LDLRAD4: variants seen among roughly 807,000 people sequenced by gnomAD.
LDLRAD4 encodes low density lipoprotein receptor class A domain containing 4, also known as low-density lipoprotein receptor class A domain-containing protein 4.
LDLRAD4 carries 5 observed loss-of-function variants against 17.0 expected under a neutral mutation model. The observed-to-expected ratio is 0.29, with a 90% confidence interval of 0.15 to 0.62. The LOEUF (loss-of-function observed/expected upper bound fraction) is 0.62, where lower values mean the gene tolerates loss of function less well. LDLRAD4 is among the 20% of genes least tolerant of loss of function. The probability of loss-of-function intolerance (pLI) is 0.84; values close to 1 mark genes in which losing one functional copy is unlikely to be tolerated. For missense variants in LDLRAD4, 340 were observed against 424.7 expected (o/e 0.80, Z 1.75); for synonymous variants, 168 against 171.8 (o/e 0.98, Z 0.17).
chr18:13,302,136 A>G (rs2046643204), intron 1 of LDLRAD4, among the ~76,000 whole-genome samples: 1 of 152,210 alleles, frequency 6.6e-6, no homozygotes, highest in African/African-American at 2.4e-5. Context: ...GTCTTCAGCT[A>G]TTTCTGGATG....
At position 13,398,340 on chromosome 18, in the gene LDLRAD4, C is replaced by T. The variant is rs745750341; in HGVS notation, c.40+10578C>T. On this transcript the variant is annotated intron_variant, in intron 2 of 5. Transcript: ENST00000359446. The surrounding 1 kb of genome is among the most constrained non-coding windows in gnomAD (Gnocchi z 4.8). ...ATGCTTAGGCGTGAAAGCAGCACAG[C>T]GTCACGGTGGTGATGCTTGCGTAGC... Among the ~76,000 whole-genome samples the T allele has an allele frequency of 6.6e-6, 1 of 152,050 alleles. No homozygotes were observed. The highest frequency in any genetic ancestry group is 1.5e-5 in the Non-Finnish European group (1 of 68,020).
At chr18:13,445,659 AGT>A (rs1443181087) in intron 3 of LDLRAD4, among the ~76,000 whole-genome samples, 3 of 147,404 alleles carry the variant, frequency 2.0e-5, no homozygotes, top group East Asian at 2.0e-4. Flanking sequence ...TTTGTGCATG[AGT>A]GTGTTTGCGT....
chr18:13,332,314 T>C lies in LDLRAD4; in HGVS notation c.-383+54126T>C, dbSNP rs2081903441. On this transcript the variant is annotated intron_variant, in intron 1 of 5. Transcript: ENST00000359446. ...AGCAGACACTACAAAAATTTTCTCATATACCTCTCACCTTTGCATAACCAG... is the reference window on the plus strand; with the variant it reads ...AGCAGACACTACAAAAATTTTCTCACATACCTCTCACCTTTGCATAACCAG... Among the ~76,000 whole-genome samples the C allele has an allele frequency of 2.0e-5, 3 of 152,324 alleles. No homozygotes were observed. In the South Asian group the frequency reaches 6.2e-4, roughly 32 times the overall value.
intron 3 of LDLRAD4, among the ~76,000 whole-genome samples, chr18:13,486,066 A>G (rs1227191699): frequency 6.6e-6 from 1 of 152,166 alleles, no homozygotes; most frequent in Non-Finnish European, 1.5e-5. Flanking sequence ...TGGGTTACTG[A>G]TAATTGCTCA....
chr18:13,255,613 CA>C (rs2145877669), intron 1 of LDLRAD4, among the ~76,000 whole-genome samples: 1 of 152,226 alleles, frequency 6.6e-6, no homozygotes, highest in South Asian at 2.1e-4. Flanking sequence ...TGGAGCAGAG[CA>C]GTGTCTGGGT....
Position 13,410,188 on chromosome 18 carries a change from C to T in LDLRAD4, c.40+22426C>T, listed in dbSNP as rs73956141. 8.2e-3 allele frequency among the ~76,000 whole-genome samples: 1,239 copies of T among 151,834 alleles called. 18 individuals carry two copies. Among genetic ancestry groups the T allele is most frequent in the African/African-American group, 0.027 (1,131 of 41,382 alleles). Reference sequence around the variant, plus strand: ...TTCCGACCTGACATGGCATGGGGGGCGCTAAGGAGACGGGACAAACACACC... The same window carrying T: ...TTCCGACCTGACATGGCATGGGGGGTGCTAAGGAGACGGGACAAACACACC... On this transcript the variant is annotated intron_variant, in intron 2 of 5. Coordinates refer to ENST00000359446, the Ensembl canonical transcript of LDLRAD4.
At chr18:13,584,446 T>C (rs2094907976) in intron 3 of LDLRAD4, among the ~76,000 whole-genome samples, 1 of 152,204 alleles carries the variant, frequency 6.6e-6, no homozygotes, top group African/African-American at 2.4e-5. Context: ...TTTGTAGCTA[T>C]CTGCTATCTG....
intron 2 of LDLRAD4, among the ~76,000 whole-genome samples, chr18:13,399,033 G>A (rs1366798903): frequency 6.6e-6 from 1 of 152,132 alleles, no homozygotes; most frequent in African/African-American, 2.4e-5. Context: ...GAGCCCAGGA[G>A]TTCCTGTCCA....
intron 1 of LDLRAD4, among the ~76,000 whole-genome samples, chr18:13,321,861 CAAAAAAAAAAAAAAAAAAAAAAAAAAA>C (rs57033432): frequency 0.031 from 1,926 of 62,156 alleles, 45 homozygotes; most frequent in Non-Finnish European, 0.043. Flanking sequence ...GACTCCGTCT[CAAAAAAAAAAAAAAAAAAAAAAAAAAA>C]AAAAAAAAAA....
At chr18:13,571,136 G>C (rs1414254371) in intron 3 of LDLRAD4, among the ~76,000 whole-genome samples, 3 of 152,108 alleles carry the variant, frequency 2.0e-5, no homozygotes, top group Non-Finnish European at 4.4e-5. Flanking sequence ...TTCTAAGTGT[G>C]GAGTTTGTGA....
rs1397763107 is a variant in LDLRAD4, at chr18:13,386,899, GA to G, written c.-382-441del. Among the ~76,000 whole-genome samples the G allele has an allele frequency of 6.0e-4, 12 of 19,842 alleles. No homozygotes were observed. In the South Asian group the frequency reaches 0.013, roughly 21 times the overall value. The allele number at this position is 19,842 out of a possible 152,430, so 13.0% of individuals were successfully genotyped here. A position where few individuals can be genotyped will look rare whatever the true frequency, so the allele number is the denominator to read the frequency against. On this transcript the variant is annotated intron_variant, in intron 1 of 5. Transcript: ENST00000359446. The stretch of plus-strand genomic sequence containing the variant: ...AGTGAGACCCTGTCATTCATAGATA[GA>G]TAGATAGATAGATAGATAGATAGAT...
At chr18:13,573,768 AAC>A (rs2094726756) in intron 3 of LDLRAD4, among the ~76,000 whole-genome samples, 1 of 152,156 alleles carries the variant, frequency 6.6e-6, no homozygotes, top group Non-Finnish European at 1.5e-5. Context: ...AAACTCAGAG[AAC>A]AATCTGGGTA....
intron 3 of LDLRAD4, among the ~76,000 whole-genome samples, chr18:13,497,494 T>C (rs1034314031): frequency 6.6e-6 from 1 of 151,902 alleles, no homozygotes; most frequent in Non-Finnish European, 1.5e-5. Context: ...GTGGCTCTTG[T>C]AGTGTTTTTT....
chr18:13,397,800 C>T (rs1461431874), intron 2 of LDLRAD4, among the ~76,000 whole-genome samples: 4 of 151,866 alleles, frequency 2.6e-5, no homozygotes, highest in Non-Finnish European at 5.9e-5. Flanking sequence ...GCTGGTCTAT[C>T]ATCTACACTC....
intron 1 of LDLRAD4, among the ~76,000 whole-genome samples, chr18:13,317,054 C>T (rs923892972): frequency 3.0e-4 from 46 of 152,036 alleles, no homozygotes; most frequent in African/African-American, 8.7e-4. Context: ...CCAGAAGGCA[C>T]GATAGTGAAA....
At chr18:13,459,159 CAAAAAAAAAAAAAAAAAA>C (rs534798084) in intron 3 of LDLRAD4, among the ~76,000 whole-genome samples, 16 of 53,730 alleles carry the variant, frequency 3.0e-4, no homozygotes, top group Non-Finnish European at 3.2e-4. Flanking sequence ...ATCTCTACAC[CAAAAAAAAAAAAAAAAAA>C]AAAAAAAAAA....
chr18:13,538,610 C>T (rs888912848), intron 3 of LDLRAD4, among the ~76,000 whole-genome samples: 8 of 151,908 alleles, frequency 5.3e-5, no homozygotes, highest in East Asian at 3.9e-4. Flanking sequence ...CTGCAACTTC[C>T]GCCTCCTGGG....
chr18:13,636,029 T>A (rs1326501621), intron 4 of LDLRAD4, among the ~76,000 whole-genome samples: 1 of 152,098 alleles, frequency 6.6e-6, no homozygotes, highest in African/African-American at 2.4e-5. Context: ...GCCTTTGGCG[T>A]GTTTACTGCT....
intron 3 of LDLRAD4, among the ~76,000 whole-genome samples, chr18:13,539,515 T>A (rs1320886517): frequency 1.3e-5 from 2 of 152,258 alleles, no homozygotes; most frequent in Non-Finnish European, 2.9e-5. Flanking sequence ...TTTATGTTTT[T>A]GTGGATAAAC....
Sources: gnomAD v4.1 joint callset for allele counts (sites outside exome capture counted in the v4.1 genomes callset) on GRCh38, gnomAD v4.1.1 for gene constraint, Gnocchi (gnomAD v3.1) non-coding constraint, MANE v1.5 for transcripts, NCBI Gene and HGNC (gene_info 2026-07-23, HGNC 2026-07-21) for gene names.